Variants in RANGAP1 observed in about 807,000 individuals in gnomAD.
RANGAP1 encodes ran GTPase-activating protein 1.
A neutral mutation model predicts 63.5 loss-of-function variants in RANGAP1; 38 were observed. The observed-to-expected ratio is 0.60, with a 90% CI of 0.46 to 0.78. RANGAP1 has a LOEUF of 0.78. RANGAP1 is among the 30% of genes least tolerant of loss of function. The pLI is 0.00. For missense variants in RANGAP1, 630 were observed against 740.3 expected, an observed-to-expected ratio of 0.85 and a Z score of 1.73; for synonymous variants, 329 against 310.5, an observed-to-expected ratio of 1.06 and a Z score of -0.63.
the RANGAP1 span, among the ~76,000 whole-genome samples, chr22:41,297,367 C>T: frequency 6.6e-6 from 1 of 152,134 alleles, no homozygotes; most frequent in Non-Finnish European, 1.5e-5. Context: ...CAGCTTTACT[C>T]AGTTTATAGA....
At chr22:41,250,828 GGAGA>G (rs1287250702) in intron 13 of RANGAP1, among the ~76,000 whole-genome samples, 175 bp downstream of exon 13, 1 of 152,158 alleles carries the variant, frequency 6.6e-6, no homozygotes, top group Non-Finnish European at 1.5e-5. Flanking sequence ...TGAAAAACAG[GGAGA>G]AGAGCAGCCA....
chr22:41,255,301 AC>A (rs2033750639), intron 10 of RANGAP1, among the ~76,000 whole-genome samples: 1 of 152,164 alleles, frequency 6.6e-6, no homozygotes, highest in South Asian at 2.1e-4. Flanking sequence ...AGGGCCTAGC[AC>A]CGAGGAGACA....
chr22:41,292,204 A>G, the RANGAP1 span, among the ~76,000 whole-genome samples: 3 of 151,092 alleles, frequency 2.0e-5, no homozygotes, highest in Non-Finnish European at 2.9e-5. Context: ...CTGGAGTGTA[A>G]TGGTGCGATC....
chr22:41,279,120 G>T (rs1212133531), intron 2 of RANGAP1, among the ~76,000 whole-genome samples: 1 of 152,142 alleles, frequency 6.6e-6, no homozygotes, highest in Admixed American at 6.5e-5. Context: ...TCCAGCCTGG[G>T]TAACAGAGCG....
At chr22:41,281,490 G>C (rs1166419388) in intron 1 of RANGAP1, 24 of 993,190 alleles carry the variant, frequency 2.4e-5, no homozygotes, top group Non-Finnish European at 2.6e-5. Context: ...TCTGTTTGAG[G>C]GTCCCATTCC....
chr22:41,293,417 T>C, the RANGAP1 span, among the ~76,000 whole-genome samples: 3 of 151,472 alleles, frequency 2.0e-5, no homozygotes, highest in African/African-American at 7.3e-5. Flanking sequence ...GTCTCAAAAG[T>C]AAATAAATAA....
At chr22:41,249,691 C>T (rs567553642) in intron 14 of RANGAP1, 38 bp downstream of exon 14, 5 of 1,584,852 alleles carry the variant, frequency 3.2e-6, no homozygotes, top group Non-Finnish European at 4.3e-6. Flanking sequence ...AGACCCCACC[C>T]ACCTCCCTCC....
At chr22:41,255,139 C>T (rs2033742186) in intron 10 of RANGAP1, among the ~76,000 whole-genome samples, 1 of 152,164 alleles carries the variant, frequency 6.6e-6, no homozygotes, top group Admixed American at 6.5e-5. Context: ...CAGGGGCGCC[C>T]ACATCCACAT....
intron 13 of RANGAP1, 139 bp downstream of exon 13, chr22:41,250,868 G>T: frequency 1.5e-6 from 1 of 660,048 alleles, no homozygotes; most frequent in Non-Finnish European, 2.6e-6. Flanking sequence ...GGACCCTGAC[G>T]GAGGAAAAAC....
rs540429039 is a variant in RANGAP1 at position 41,271,815 on chromosome 22, T to TGCA, written c.240+2782_240+2784dup. On this transcript the variant is annotated intron_variant, in intron 3 of 15. Transcript: ENST00000356244. ...ACCTCACTCCTCACTTGCACACTGC[T>TGCA]GCAGCAGCAGAGAGAACCCCTCTGG... is the stretch of plus-strand genomic sequence containing the variant. 3.1e-3 allele frequency among the ~76,000 whole-genome samples: 475 copies of TGCA among 152,282 alleles called. 5 individuals are homozygous for TGCA. Among genetic ancestry groups the TGCA allele is most frequent in the African/African-American group, 0.011 (460 of 41,564 alleles).
chr22:41,246,283 T>G lies in RANGAP1; in HGVS notation c.*320A>C. 4.5e-6 allele frequency: 1 copy of G among 223,700 alleles called. No homozygotes were observed. 13.9% of individuals were successfully genotyped at this position (223,700 alleles called of 1,614,324 possible). A position where few individuals can be genotyped will look rare whatever the true frequency, so the allele number is the denominator to read the frequency against. ...ACGGCCATCAGGGCCCAGGCGGAGA[T>G]CAGCAGAGCGCCCTCAGGTGGAGGT... On this transcript the variant is annotated 3_prime_UTR_variant, in exon 16 of 16. Coordinates refer to ENST00000356244, the MANE Select transcript of RANGAP1 (RefSeq NM_002883.4).
the RANGAP1 span, among the ~76,000 whole-genome samples, chr22:41,297,576 C>T: frequency 6.7e-6 from 1 of 148,920 alleles, no homozygotes; most frequent in African/African-American, 2.5e-5. Flanking sequence ...AGTGATGAAG[C>T]CATGGCTCAC....
intron 12 of RANGAP1, 57 bp downstream of exon 12, chr22:41,252,815 C>T: frequency 6.8e-7 from 1 of 1,467,660 alleles, no homozygotes; most frequent in South Asian, 1.4e-5. Flanking sequence ...TCCCTTTTCT[C>T]TAACAGCTCC....
upstream of RANGAP1, among the ~76,000 whole-genome samples, chr22:41,286,519 T>A (rs1429913480): frequency 6.6e-6 from 1 of 152,240 alleles, no homozygotes; most frequent in African/African-American, 2.4e-5. Context: ...CCTCAGCTCT[T>A]CCGGAAAGGT....
intron 3 of RANGAP1, 100 bp downstream of exon 3, chr22:41,274,500 G>A: frequency 6.5e-7 from 1 of 1,532,646 alleles, no homozygotes; most frequent in South Asian, 1.2e-5. Flanking sequence ...CAGCCACACA[G>A]GCAGGGGCCT....
chr22:41,272,705 G>A (rs2034909726), intron 3 of RANGAP1, among the ~76,000 whole-genome samples: 3 of 152,028 alleles, frequency 2.0e-5, no homozygotes, highest in Non-Finnish European at 2.9e-5. Flanking sequence ...ATTTTGAGAT[G>A]GGATTTCACC....
intron 10 of RANGAP1, among the ~76,000 whole-genome samples, chr22:41,254,983 C>CAAA (rs5845494): frequency 7.2e-6 from 1 of 138,126 alleles, no homozygotes; most frequent in Non-Finnish European, 1.6e-5. Context: ...CACAAAAAAA[C>CAAA]AAAAAAAAAA....
At chr22:41,268,701 A>G (rs1673260530) in intron 3 of RANGAP1, among the ~76,000 whole-genome samples, 1 of 152,088 alleles carries the variant, frequency 6.6e-6, no homozygotes. Context: ...GACTTGTACA[A>G]CCCTCTAGGT....
At position 41,250,988 on chromosome 22, in the gene RANGAP1, C is replaced by T. The variant is rs1016920526; in HGVS notation, c.1483+19G>A. ...ATCAAGGGACAGAGGGCACCCAGGT[C>T]TCACCCAGCCCACATTACCTACTGC... is the stretch of plus-strand genomic sequence containing the variant. On this transcript the variant is annotated intron_variant, in intron 13 of 15. Coordinates refer to ENST00000356244, the MANE Select transcript of RANGAP1 (RefSeq NM_002883.4). The T allele has an allele frequency of 6.2e-7, 1 of 1,609,276 alleles. No individual in the cohort carries two copies.
Sources: gnomAD v4.1 joint callset for allele counts (sites outside exome capture counted in the v4.1 genomes callset) on GRCh38, gnomAD v4.1.1 for gene constraint, MANE v1.5 for transcripts, NCBI Gene and HGNC (gene_info 2026-07-23, HGNC 2026-07-21) for gene names.